CDH13: variants seen among roughly 807,000 people sequenced by gnomAD.
CDH13 encodes cadherin 13.
In CDH13, 24 loss-of-function variants were observed where a neutral mutation model predicts 63.8. That is an observed-to-expected ratio of 0.38 (90% CI 0.27 to 0.53). The LOEUF (loss-of-function observed/expected upper bound fraction) is 0.53, where lower values mean the gene tolerates loss of function less well. Among genes scored for constraint, CDH13 ranks in the 20% least tolerant of loss-of-function variants. The pLI is 0.85. For synonymous variants in CDH13, 503 were observed against 355.3 expected (o/e 1.42, Z -4.67); for missense variants, 1,049 against 903.1 (o/e 1.16, Z -2.07).
chr16:82,721,960 T>C (rs1327091599), intron 1 of CDH13, among the ~76,000 whole-genome samples: 3 of 152,130 alleles, frequency 2.0e-5, no homozygotes, highest in Admixed American at 2.0e-4. Context: ...GCGTGTCACA[T>C]GCTTGAGTTC....
chr16:82,787,769 T>C (rs1056863835), intron 1 of CDH13, among the ~76,000 whole-genome samples: 3 of 144,158 alleles, frequency 2.1e-5, no homozygotes, highest in Non-Finnish European at 4.6e-5. Context: ...ACAATTTTGT[T>C]TGTTTTTTCT....
chr16:82,684,690 T>C (rs1249647802), intron 1 of CDH13, among the ~76,000 whole-genome samples: 1 of 152,132 alleles, frequency 6.6e-6, no homozygotes, highest in Non-Finnish European at 1.5e-5. Flanking sequence ...CAATTGCTTT[T>C]GATCCTTTTT....
intron 7 of CDH13, among the ~76,000 whole-genome samples, chr16:83,520,266 C>T (rs896723958): frequency 5.5e-4 from 83 of 152,062 alleles, no homozygotes; most frequent in African/African-American, 1.9e-3. Context: ...GCCAAGTGTA[C>T]AAAAAAGTAC....
At chr16:82,822,288 G>C (rs1300641127) in intron 1 of CDH13, among the ~76,000 whole-genome samples, 1 of 152,134 alleles carries the variant, frequency 6.6e-6, no homozygotes, top group African/African-American at 2.4e-5. Context: ...GAGTACTGTG[G>C]AGCTCTAAAA....
At chr16:83,133,441 G>A (rs940293976) in intron 4 of CDH13, among the ~76,000 whole-genome samples, 7 of 151,888 alleles carry the variant, frequency 4.6e-5, no homozygotes, top group Admixed American at 2.0e-4. Context: ...TATGGCTCAC[G>A]TATTTTTATC....
chr16:83,245,432 C>T (rs575884965), intron 5 of CDH13, among the ~76,000 whole-genome samples: 5 of 152,348 alleles, frequency 3.3e-5, no homozygotes, highest in African/African-American at 9.6e-5. Context: ...AATTGAAATA[C>T]TGTCTCATAC....
intron 2 of CDH13, among the ~76,000 whole-genome samples, chr16:82,895,966 C>T (rs1280310684): frequency 2.0e-5 from 3 of 152,180 alleles, no homozygotes; most frequent in Admixed American, 1.3e-4. Context: ...CATTATCCCT[C>T]TTGCAAATTT....
At chr16:83,338,261 T>A (rs918768) in intron 5 of CDH13, among the ~76,000 whole-genome samples, 150,433 of 151,884 alleles carry the variant, frequency 0.99, 74,508 homozygotes, top group Middle Eastern at 1. Flanking sequence ...TTCTTCATCA[T>A]TTAAGGCTAC....
At chr16:83,561,406 A>G (rs2075706368) in intron 7 of CDH13, among the ~76,000 whole-genome samples, 1 of 142,986 alleles carries the variant, frequency 7.0e-6, no homozygotes, top group Non-Finnish European at 1.5e-5. Flanking sequence ...AGCCTGAGCA[A>G]CAAGAGGGAA....
intron 3 of CDH13, among the ~76,000 whole-genome samples, chr16:83,104,669 A>C (rs1276173874): frequency 2.6e-5 from 4 of 152,116 alleles, no homozygotes; most frequent in East Asian, 3.9e-4. Flanking sequence ...AAATATTGTG[A>C]ATAACTCCCC....
chr16:82,957,886 T>G (rs1217273468), intron 2 of CDH13, among the ~76,000 whole-genome samples: 1 of 152,340 alleles, frequency 6.6e-6, no homozygotes, highest in Non-Finnish European at 1.5e-5. Flanking sequence ...GGAGACATGA[T>G]AGCTGGAAAA....
At chr16:83,300,009 G>T (rs1158263100) in intron 5 of CDH13, among the ~76,000 whole-genome samples, 1 of 152,160 alleles carries the variant, frequency 6.6e-6, no homozygotes, top group Admixed American at 6.5e-5. Flanking sequence ...TGTCAAATGA[G>T]AGCCTCAGTT....
At position 82,871,750 on chromosome 16, in the gene CDH13, C is replaced by A. The variant is rs564327200; in HGVS notation, c.157+13277C>A. ...GAGTTGGCTTTGGAAACACTTGGAT[C>A]TAGATGCATTAATGATATCCTCAAT... On this transcript the variant is annotated intron_variant, in intron 2 of 13. Coordinates refer to ENST00000567109, the MANE Select transcript of CDH13 (RefSeq NM_001257.5). Among the ~76,000 whole-genome samples, 20 of 152,244 alleles carry A rather than the reference C, an allele frequency of 1.3e-4. No homozygotes were observed. In the East Asian group the frequency reaches 3.7e-3, roughly 28 times the overall value.
At chr16:83,161,643 C>T (rs1307344791) in intron 4 of CDH13, among the ~76,000 whole-genome samples, 1 of 152,150 alleles carries the variant, frequency 6.6e-6, no homozygotes, top group Non-Finnish European at 1.5e-5. Context: ...CCCTCCCCCG[C>T]CTTGACTGTG....
intron 1 of CDH13, among the ~76,000 whole-genome samples, chr16:82,801,833 G>A (rs781594208): frequency 7.9e-5 from 12 of 152,340 alleles, no homozygotes; most frequent in East Asian, 7.7e-4. Context: ...TGTTGTTCAC[G>A]TTCGTGCCAA....
chr16:83,377,519 T>G (rs2151410870), intron 6 of CDH13, among the ~76,000 whole-genome samples: 1 of 152,302 alleles, frequency 6.6e-6, no homozygotes, highest in Non-Finnish European at 1.5e-5. Context: ...GGTCTGTCAG[T>G]TTTCCCATAG....
intron 5 of CDH13, among the ~76,000 whole-genome samples, chr16:83,264,898 A>C (rs1420154398): frequency 6.6e-6 from 1 of 152,116 alleles, no homozygotes; most frequent in Non-Finnish European, 1.5e-5. Flanking sequence ...TTATCCCTTT[A>C]TATTCTAGGT....
rs577590001 is a variant in CDH13, at chr16:83,670,301, A to G, written c.1102-489A>G. ...TTTGGGGAGGCAAGGCTGCGAGAAC[A>G]AATGCAAACAAAAATGGCTTGAACT... On this transcript the variant is annotated intron_variant, in intron 8 of 13. Coordinates refer to ENST00000567109, the MANE Select transcript of CDH13 (RefSeq NM_001257.5). Among the ~76,000 whole-genome samples the G allele has an allele frequency of 7.2e-5, 11 of 152,340 alleles. No homozygotes were observed. The South Asian group carries it at 1.9e-3, about 26-fold the overall frequency.
chr16:83,764,078 A>T (rs1443750238), intron 11 of CDH13, among the ~76,000 whole-genome samples: 1 of 152,206 alleles, frequency 6.6e-6, no homozygotes, highest in Non-Finnish European at 1.5e-5. Context: ...CACAATTCCC[A>T]GTACTCCTAA....
Sources: allele counts gnomAD v4.1 joint callset (sites outside exome capture counted in the v4.1 genomes callset), GRCh38; gene constraint gnomAD v4.1.1; transcripts MANE v1.5; gene names NCBI Gene and HGNC (gene_info 2026-07-23, HGNC 2026-07-21).